EIF2AK4: variants seen among roughly 807,000 people sequenced by gnomAD.
EIF2AK4 encodes the protein eukaryotic translation initiation factor 2 alpha kinase 4.
A neutral mutation model predicts 211.1 loss-of-function variants in EIF2AK4; 139 were observed. The ratio of observed to expected loss-of-function variants is 0.66; its 90% CI spans 0.57 to 0.76. EIF2AK4 has a LOEUF of 0.76. Ranked by LOEUF, EIF2AK4 falls within the 30% of genes least tolerant of loss-of-function variation. EIF2AK4 has a pLI of 0.00. For missense variants in EIF2AK4, 1,664 were observed against 2,043.8 expected (o/e 0.81, Z 3.58); for synonymous variants, 710 against 751.3 (o/e 0.94, Z 0.90).
At chr15:39,959,002 T>G (rs998057832) in intron 6 of EIF2AK4, among the ~76,000 whole-genome samples, 1 of 152,264 alleles carries the variant, frequency 6.6e-6, no homozygotes, top group Non-Finnish European at 1.5e-5. Flanking sequence ...TCTCTGTTCT[T>G]TTTAAAGACC....
chr15:40,032,077 A>G, intron 35 of EIF2AK4, 92 bp from the exon 36 acceptor site: 2 of 1,099,656 alleles, frequency 1.8e-6, no homozygotes, highest in South Asian at 2.6e-5. Flanking sequence ...TTTGGTATGT[A>G]ACCCTGTGAT....
At chr15:39,939,907 G>A (rs2034121187) in intron 2 of EIF2AK4, among the ~76,000 whole-genome samples, 2 of 119,556 alleles carry the variant, frequency 1.7e-5, no homozygotes, top group Non-Finnish European at 3.2e-5. Context: ...TCATAAGTTA[G>A]GAAGAGGAAA....
chr15:40,016,967 T>G, intron 28 of EIF2AK4, 141 bp from the exon 29 acceptor site: 1 of 1,141,578 alleles, frequency 8.8e-7, no homozygotes, highest in Non-Finnish European at 1.2e-6. Flanking sequence ...AAACAGACTT[T>G]GAGCTAGATC....
intron 3 of EIF2AK4, among the ~76,000 whole-genome samples, chr15:39,944,735 C>T (rs866127313): frequency 3.3e-5 from 5 of 151,978 alleles, no homozygotes; most frequent in African/African-American, 7.2e-5. Flanking sequence ...ACCCGGCCAA[C>T]GATCTCTTTA....
intron 13 of EIF2AK4, among the ~76,000 whole-genome samples, chr15:39,980,043 G>C (rs1434339022): frequency 6.6e-6 from 1 of 152,200 alleles, no homozygotes; most frequent in Non-Finnish European, 1.5e-5. Context: ...TTGCTGGCTA[G>C]TCGCTGATTT....
At chr15:40,022,341 T>C (rs1344447511) in intron 31 of EIF2AK4, 178 bp from the exon 32 acceptor site, 1 of 561,936 alleles carries the variant, frequency 1.8e-6, no homozygotes, top group Admixed American at 3.4e-5. Context: ...AGAGAGGCCT[T>C]GTTCCTCCCT....
At position 39,965,818 on chromosome 15, in the gene EIF2AK4, A is replaced by G. The variant is rs755553214; in HGVS notation, c.992A>G (p.Glu331Gly). ...MGPFLTSQEK[E>G]KIDKCKKQIQ... Reference sequence around the variant, plus strand: ...CCATTCCTTACCAGTCAAGAAAAAGAGAAGATTGATAAGTGCAAAAAGCAG... The same window carrying G: ...CCATTCCTTACCAGTCAAGAAAAAGGGAAGATTGATAAGTGCAAAAAGCAG... Residue 331 changes from glutamate to glycine, a missense_variant, in exon 8 of 39, where the codon GAG becomes GGG. Glu to Gly is a moderately conservative substitution (Grantham distance 98, BLOSUM62 -2). Coordinates refer to ENST00000263791, the MANE Select transcript of EIF2AK4 (RefSeq NM_001013703.4). The G allele has an allele frequency of 6.2e-7, 1 of 1,614,056 alleles. No homozygotes were observed. Among genetic ancestry groups the G allele is most frequent in the South Asian group, 1.1e-5 (1 of 91,072 alleles).
intron 12 of EIF2AK4, 100 bp downstream of exon 12, chr15:39,976,944 C>T: frequency 7.4e-7 from 1 of 1,344,958 alleles, no homozygotes; most frequent in Non-Finnish European, 9.7e-7. Context: ...TTCCTTCTTT[C>T]CTTCTTTTCT....
At position 40,027,617 on chromosome 15, in the gene EIF2AK4, G is replaced by A. The variant is rs145502961; in HGVS notation, c.4502+1528G>A. Among the ~76,000 whole-genome samples, 88 of 152,280 alleles carry A rather than the reference G, an allele frequency of 5.8e-4. No homozygotes were observed. The East Asian group carries it at 0.013, about 23-fold the overall frequency. The stretch of plus-strand genomic sequence containing the variant: ...ATATAATCCCATTTTGTGGCCGGGC[G>A]TGGTGGCTCACGCCTGTAATCCCAG... On this transcript the variant is annotated intron_variant, in intron 33 of 38. Transcript: ENST00000263791.
chr15:39,952,608 G>C (rs2034334988), intron 4 of EIF2AK4, among the ~76,000 whole-genome samples: 1 of 151,746 alleles, frequency 6.6e-6, no homozygotes. Context: ...TTTTTGTTGA[G>C]GCTTTCTAAT....
intron 33 of EIF2AK4, among the ~76,000 whole-genome samples, chr15:40,028,165 C>T (rs2035490580): frequency 6.6e-6 from 1 of 151,828 alleles, no homozygotes; most frequent in African/African-American, 2.4e-5. Flanking sequence ...CTTAACCTCC[C>T]AGGCTCAGGT....
intron 1 of EIF2AK4, among the ~76,000 whole-genome samples, chr15:39,935,450 C>T (rs1455314202): frequency 6.6e-6 from 1 of 152,014 alleles, no homozygotes; most frequent in East Asian, 1.9e-4. Context: ...CTGCCTCAGC[C>T]TGTCAAGTAC....
At chr15:40,021,165 T>G in intron 31 of EIF2AK4, 138 bp downstream of exon 31, 3 of 983,650 alleles carry the variant, frequency 3.0e-6, no homozygotes, top group African/African-American at 1.7e-5. Flanking sequence ...TTCTGATTGC[T>G]GCAGTAACCA....
intron 24 of EIF2AK4, among the ~76,000 whole-genome samples, chr15:40,007,564 C>T (rs2035178222): frequency 6.6e-6 from 1 of 152,206 alleles, no homozygotes; most frequent in African/African-American, 2.4e-5. Flanking sequence ...GCTTTCTGTA[C>T]ATTCAAATAC....
chr15:39,995,914 G>A (rs1049234331), intron 18 of EIF2AK4, among the ~76,000 whole-genome samples: 4 of 152,116 alleles, frequency 2.6e-5, no homozygotes, highest in African/African-American at 2.4e-5. Context: ...AATACAATGC[G>A]TTATTATTAA....
Position 40,019,187 on chromosome 15 carries a change from A to G in EIF2AK4, c.4160A>G (p.Asn1387Ser). The G allele has an allele frequency of 6.3e-7, 1 of 1,584,814 alleles. No homozygotes were observed. Among genetic ancestry groups the G allele is most frequent in the Non-Finnish European group, 8.6e-7 (1 of 1,165,956 alleles). ...GACAAGATATCTGCTGCTGTCCTCA[A>G]CATGGAGGAATCTGTAAGTTCTGGC... ...AIDKISAAVLNMEESVTISSC... is the reference protein window; with the variant it reads ...AIDKISAAVLSMEESVTISSC... Residue 1387 changes from asparagine (N) to serine (S), a missense_variant, in exon 30 of 39, where the codon AAC becomes AGC. Physicochemically the swap from Asn to Ser is conservative, Grantham distance 46. This residue lies in a region of EIF2AK4 where 622 missense variants were observed against 796.8 expected (regional missense o/e 0.78). Coordinates refer to ENST00000263791, the MANE Select transcript of EIF2AK4 (RefSeq NM_001013703.4).
At chr15:40,012,015 G>T (rs1363084500) in intron 27 of EIF2AK4, among the ~76,000 whole-genome samples, 1 of 151,676 alleles carries the variant, frequency 6.6e-6, no homozygotes, top group Non-Finnish European at 1.5e-5. Context: ...AATAAGGAAA[G>T]TTTTTTTTTA....
At chr15:39,992,133 TATC>T (rs2034952289) in intron 16 of EIF2AK4, 39 bp from the exon 17 acceptor site, 2 of 1,560,632 alleles carry the variant, frequency 1.3e-6, no homozygotes, top group African/African-American at 1.4e-5. Flanking sequence ...CATGGAATAA[TATC>T]ATGTTTTAAT....
chr15:39,944,227 C>T (rs978881005), intron 3 of EIF2AK4, among the ~76,000 whole-genome samples: 1 of 152,066 alleles, frequency 6.6e-6, no homozygotes, highest in Admixed American at 6.6e-5. Flanking sequence ...CTTTTTTAAT[C>T]TTCTGAACAT....
Sources: allele counts gnomAD v4.1 joint callset (sites outside exome capture counted in the v4.1 genomes callset), GRCh38; gene constraint gnomAD v4.1.1; regional missense constraint gnomAD v4.1.1; transcripts MANE v1.5; gene names NCBI Gene and HGNC (gene_info 2026-07-23, HGNC 2026-07-21).